PCDHA7: variants seen among roughly 807,000 people sequenced by gnomAD.
The protein encoded by PCDHA7 is protocadherin alpha-7.
PCDHA7 carries 37 observed loss-of-function variants against 57.2 expected under a neutral mutation model. The ratio of observed to expected loss-of-function variants is 0.65; its 90% CI spans 0.50 to 0.85. The LOEUF (loss-of-function observed/expected upper bound fraction) is 0.85, where lower values mean the gene tolerates loss of function less well. Ranked by LOEUF, PCDHA7 falls within the 40% of genes least tolerant of loss-of-function variation. PCDHA7 has a pLI of 0.00. For synonymous variants in PCDHA7, 553 were observed against 558.8 expected (o/e 0.99, Z 0.15); for missense variants, 1,188 against 1,241.8 (o/e 0.96, Z 0.65).
intron 1 of PCDHA7, among the ~76,000 whole-genome samples, chr5:140,969,836 T>C (rs1349045341): frequency 6.6e-6 from 1 of 152,224 alleles, no homozygotes; most frequent in Non-Finnish European, 1.5e-5. Flanking sequence ...ACAGTGGAAA[T>C]TATCTAGTTA....
At chr5:140,997,566 T>G (rs1366934494) in intron 3 of PCDHA7, among the ~76,000 whole-genome samples, 1 of 152,208 alleles carries the variant, frequency 6.6e-6, no homozygotes, top group Non-Finnish European at 1.5e-5. Context: ...AACTGTCATA[T>G]GTGTGGTCCG....
chr5:140,854,244 A>C lies in PCDHA7; in HGVS notation c.2355+17506A>C, dbSNP rs782085298. 42 of 645,742 alleles carry C rather than the reference A, an allele frequency of 6.5e-5. 1 individual carries two copies. The highest frequency in any genetic ancestry group is 7.7e-5 in the Non-Finnish European group (40 of 520,302). 40.0% of individuals were successfully genotyped at this position (645,742 alleles called of 1,614,324 possible). A position where few individuals can be genotyped will look rare whatever the true frequency, so the allele number is the denominator to read the frequency against. ...TCTACATTGGGATATTTATGTTATCACTTGGTATAAAATGTACATTAGTAG... is the reference window on the plus strand; with the variant it reads ...TCTACATTGGGATATTTATGTTATCCCTTGGTATAAAATGTACATTAGTAG... On this transcript the variant is annotated intron_variant, in intron 1 of 3. Coordinates refer to ENST00000525929, the MANE Select transcript of PCDHA7 (RefSeq NM_018910.3).
At chr5:140,999,554 G>T (rs2097862771) in intron 3 of PCDHA7, among the ~76,000 whole-genome samples, 1 of 152,158 alleles carries the variant, frequency 6.6e-6, no homozygotes, top group Non-Finnish European at 1.5e-5. Context: ...TGAAGAGGGG[G>T]TATTTTGAGA....
In PCDHA7 at chr5:140,846,979, A is replaced by G. The variant is rs2150396342; in HGVS notation, c.2355+10241A>G. On this transcript the variant is annotated intron_variant, in intron 1 of 3. Transcript: ENST00000525929. ...GTGTTTCAGTGGTTTTAAAATAAGT[A>G]AGTTCCCCCCGGGAGAATATTGAGA... Among the ~76,000 whole-genome samples, 3 of 149,618 alleles carry G rather than the reference A, an allele frequency of 2.0e-5. 1 individual carries two copies. The highest frequency in any genetic ancestry group is 3.0e-5 in the Non-Finnish European group (2 of 66,912).
At chr5:141,009,488 C>T (rs2098409682) in intron 3 of PCDHA7, 139 bp from the exon 4 acceptor site, 4 of 1,469,622 alleles carry the variant, frequency 2.7e-6, no homozygotes, top group Non-Finnish European at 3.6e-6. Context: ...CTTGCCTTGC[C>T]CTCAGACTTG....
chr5:140,851,112 C>A lies in PCDHA7; in HGVS notation c.2355+14374C>A. On this transcript the variant is annotated intron_variant, in intron 1 of 3. Coordinates refer to ENST00000525929, the MANE Select transcript of PCDHA7 (RefSeq NM_018910.3). ...AATAGATATTTTTTGGGTGCTGAAT[C>A]AATTTTATTTAAATTTGTGATTAAA... The A allele has an allele frequency of 5.4e-6, 7 of 1,301,380 alleles. 1 individual carries two copies. The highest frequency in any genetic ancestry group is 7.0e-6 in the Non-Finnish European group (7 of 1,004,338). 80.6% of individuals were successfully genotyped at this position (1,301,380 alleles called of 1,614,324 possible). A position where few individuals can be genotyped will look rare whatever the true frequency, so the allele number is the denominator to read the frequency against.
intron 1 of PCDHA7, chr5:140,927,371 G>GCTACAGCCTAAGCC: frequency 6.2e-7 from 1 of 1,614,080 alleles, no homozygotes; most frequent in Non-Finnish European, 8.5e-7. Context: ...GGGATACTAA[G>GCTACAGCCTAAGCC]CTACAGCCTA....
At chr5:140,877,798 C>T in intron 1 of PCDHA7, 2 of 1,613,568 alleles carry the variant, frequency 1.2e-6, no homozygotes. Flanking sequence ...CAGCCCAAGC[C>T]TTCAGCTGTC....
At chr5:140,934,013 A>G (rs2089566693) in intron 1 of PCDHA7, among the ~76,000 whole-genome samples, 1 of 151,836 alleles carries the variant, frequency 6.6e-6, no homozygotes. Context: ...TTTCTTGACT[A>G]GACTTGGAAG....
intron 1 of PCDHA7, chr5:140,851,724 A>G: frequency 1.0e-6 from 1 of 967,484 alleles, no homozygotes; most frequent in Non-Finnish European, 1.2e-6. Context: ...CGAAACTTCG[A>G]GTTCTTTTGA....
chr5:140,997,606 A>G (rs1554255929), intron 3 of PCDHA7, among the ~76,000 whole-genome samples: 1 of 152,090 alleles, frequency 6.6e-6, no homozygotes, highest in Non-Finnish European at 1.5e-5. Context: ...TATGGGGCGC[A>G]TGACTATATA....
At chr5:140,982,816 G>A (rs970352633) in intron 3 of PCDHA7, among the ~76,000 whole-genome samples, 9 of 151,630 alleles carry the variant, frequency 5.9e-5, no homozygotes, top group Non-Finnish European at 1.0e-4. Flanking sequence ...TGTGTATGAA[G>A]TTTTTGGGGT....
chr5:140,871,327 C>G (rs782093100), intron 1 of PCDHA7: 12 of 1,614,102 alleles, frequency 7.4e-6, no homozygotes, highest in Admixed American at 1.7e-5. Context: ...GGTGTGCTCC[C>G]GCGCGGTGGG....
chr5:140,954,505 A>G (rs1011072156), intron 1 of PCDHA7, among the ~76,000 whole-genome samples: 2 of 152,082 alleles, frequency 1.3e-5, no homozygotes, highest in Non-Finnish European at 2.9e-5. Flanking sequence ...TTTGATTTGC[A>G]TTTACCTAAT....
At chr5:140,858,220 G>A (rs1271468400) in intron 1 of PCDHA7, 1 of 1,595,980 alleles carries the variant, frequency 6.3e-7, no homozygotes, top group South Asian at 1.1e-5. Context: ...GCTCGGCGGC[G>A]CCCACCGAGG....
intron 1 of PCDHA7, among the ~76,000 whole-genome samples, chr5:140,886,716 C>T (rs1160663504): frequency 1.3e-5 from 2 of 151,034 alleles, no homozygotes; most frequent in Non-Finnish European, 2.9e-5. Flanking sequence ...ATCCCAGCTA[C>T]TTGGGAGGCT....
chr5:140,889,928 G>A (rs554679699), intron 1 of PCDHA7, among the ~76,000 whole-genome samples: 98 of 152,304 alleles, frequency 6.4e-4, no homozygotes, highest in South Asian at 1.5e-3. Context: ...AGAAGCTCAA[G>A]CTGGACTTGT....
intron 1 of PCDHA7, chr5:140,854,190 A>T: frequency 1.5e-6 from 1 of 648,854 alleles, no homozygotes; most frequent in Non-Finnish European, 1.9e-6. Flanking sequence ...TAGTTTAACT[A>T]CTCCCTACTT....
rs1443735818 is a variant in PCDHA7, at chr5:140,849,722, G to A, written c.2355+12984G>A. The A allele has an allele frequency of 7.5e-6, 12 of 1,598,448 alleles. 1 individual carries two copies. The highest frequency in any genetic ancestry group is 9.4e-6 in the Non-Finnish European group (11 of 1,167,996). On this transcript the variant is annotated intron_variant, in intron 1 of 3. Coordinates refer to ENST00000525929, the MANE Select transcript of PCDHA7 (RefSeq NM_018910.3). ...ACAAGAATTACTACTCGTTGGTGCT[G>A]GACAGAGCTCTGGACCGCGAGAGTG...
Sources: allele counts gnomAD v4.1 joint callset (sites outside exome capture counted in the v4.1 genomes callset), GRCh38; gene constraint gnomAD v4.1.1; transcripts MANE v1.5; gene names NCBI Gene and HGNC (gene_info 2026-07-23, HGNC 2026-07-21).